The following RGS7 variants were observed in gnomAD, a reference collection of about 807,000 sequenced individuals.
RGS7 encodes regulator of G-protein signaling 7.
RGS7 carries 27 observed loss-of-function variants against 81.1 expected under a neutral mutation model. That is an observed-to-expected ratio of 0.33 (90% CI 0.25 to 0.46). The LOEUF (loss-of-function observed/expected upper bound fraction) is 0.46. Among genes scored for constraint, RGS7 ranks in the 20% least tolerant of loss-of-function variants. RGS7 has a pLI of 1.00. For missense variants in RGS7, 396 were observed against 607.4 expected (o/e 0.65, Z 3.66); for synonymous variants, 208 against 207.7 (o/e 1.00, Z -0.01).
chr1:241,317,762 T>C (rs2148590357), intron 2 of RGS7, among the ~76,000 whole-genome samples: 1 of 152,344 alleles, frequency 6.6e-6, no homozygotes, highest in South Asian at 2.1e-4. Flanking sequence ...ATTATCAAGG[T>C]TTCAGACTTC....
intron 3 of RGS7, among the ~76,000 whole-genome samples, chr1:241,033,574 T>C (rs1293565417): frequency 6.6e-6 from 1 of 152,074 alleles, no homozygotes; most frequent in Non-Finnish European, 1.5e-5. Context: ...TTTTTAAATA[T>C]TTATTTTTTA....
chr1:241,342,830 T>C (rs1316054558), intron 2 of RGS7, among the ~76,000 whole-genome samples: 7 of 152,160 alleles, frequency 4.6e-5, no homozygotes, highest in African/African-American at 1.7e-4. Context: ...TTCACACCCA[T>C]TAGGATGACT....
At chr1:240,793,611 A>ATTTTTTTTTTTTTTTTT (rs1205854418) in intron 18 of RGS7, among the ~76,000 whole-genome samples, 2 of 78,814 alleles carry the variant, frequency 2.5e-5, no homozygotes, top group African/African-American at 1.9e-4. Flanking sequence ...ATATATATAT[A>ATTTTTTTTTTTTTTTTT]TTTTTTTTTT....
At chr1:241,306,100 T>A (rs1045958278) in intron 2 of RGS7, among the ~76,000 whole-genome samples, 1 of 150,138 alleles carries the variant, frequency 6.7e-6, no homozygotes, top group Non-Finnish European at 1.5e-5. Flanking sequence ...AAACCATGAG[T>A]AGCTATATTC....
intron 18 of RGS7, 119 bp downstream of exon 18, chr1:240,800,522 C>A: frequency 2.1e-6 from 1 of 481,334 alleles, no homozygotes; most frequent in Non-Finnish European, 3.7e-6. Flanking sequence ...CACATAACTC[C>A]ACTGAACTGG....
intron 18 of RGS7, among the ~76,000 whole-genome samples, chr1:240,784,249 GA>G (rs1014848049): frequency 2.8e-4 from 42 of 152,114 alleles, no homozygotes; most frequent in African/African-American, 1.0e-3. Flanking sequence ...TAGTATACAG[GA>G]CACTGAAGAG....
At chr1:240,857,109 A>G (rs1206996352) in intron 9 of RGS7, among the ~76,000 whole-genome samples, 1 of 152,188 alleles carries the variant, frequency 6.6e-6, no homozygotes, top group Non-Finnish European at 1.5e-5. Context: ...ATATCACCAC[A>G]TGACGCTGTT....
intron 3 of RGS7, among the ~76,000 whole-genome samples, chr1:240,989,276 A>T (rs908298192): frequency 7.3e-6 from 1 of 137,140 alleles, no homozygotes; most frequent in East Asian, 2.1e-4. Flanking sequence ...TGTCTCTACT[A>T]AAAAAAAAAA....
intron 2 of RGS7, among the ~76,000 whole-genome samples, chr1:241,300,934 G>A (rs368130045): frequency 6.6e-6 from 1 of 152,210 alleles, no homozygotes; most frequent in Non-Finnish European, 1.5e-5. Flanking sequence ...CGTTGTCAGT[G>A]TTTTGGAGTT....
intron 2 of RGS7, among the ~76,000 whole-genome samples, chr1:241,270,273 T>A (rs2077805108): frequency 6.6e-6 from 1 of 152,084 alleles, no homozygotes; most frequent in South Asian, 2.1e-4. Flanking sequence ...CCAGGTGGAG[T>A]GGGGCTCTCG....
At chr1:241,306,757 A>G (rs961591127) in intron 2 of RGS7, among the ~76,000 whole-genome samples, 2 of 152,028 alleles carry the variant, frequency 1.3e-5, no homozygotes, top group African/African-American at 4.8e-5. Context: ...ACTCGCACAC[A>G]TACGCACACA....
At chr1:241,157,624 G>A (rs945093771) in intron 2 of RGS7, among the ~76,000 whole-genome samples, 9 of 151,998 alleles carry the variant, frequency 5.9e-5, no homozygotes, top group Non-Finnish European at 1.2e-4. Flanking sequence ...TATCTGCTAG[G>A]GGTCAGCAAA....
At chr1:241,324,190 A>G (rs935831166) in intron 2 of RGS7, among the ~76,000 whole-genome samples, 31 of 152,212 alleles carry the variant, frequency 2.0e-4, no homozygotes, top group African/African-American at 7.2e-4. Context: ...AGAGAAATAA[A>G]TTAGCTTTAA....
intron 3 of RGS7, among the ~76,000 whole-genome samples, chr1:241,020,370 G>A (rs2059479270): frequency 1.3e-5 from 2 of 152,092 alleles, no homozygotes; most frequent in Admixed American, 1.3e-4. Context: ...CCCTTCAAAA[G>A]CTCTTGGGAA....
At chr1:240,840,062 C>T (rs1456729192) in intron 9 of RGS7, among the ~76,000 whole-genome samples, 1 of 152,172 alleles carries the variant, frequency 6.6e-6, no homozygotes, top group Non-Finnish European at 1.5e-5. Flanking sequence ...GATCTCCCAT[C>T]TGGACTATCA....
chr1:240,820,293 C>T (rs1691537705), intron 10 of RGS7, among the ~76,000 whole-genome samples: 1 of 152,122 alleles, frequency 6.6e-6, no homozygotes, highest in South Asian at 2.1e-4. Context: ...AATGCTTTGG[C>T]TTGATTAACA....
At chr1:241,341,138 C>T (rs558847379) in intron 2 of RGS7, among the ~76,000 whole-genome samples, 6 of 152,296 alleles carry the variant, frequency 3.9e-5, no homozygotes, top group South Asian at 2.1e-4. Flanking sequence ...ATCACGAAAT[C>T]GTAGAAATGG....
intron 2 of RGS7, among the ~76,000 whole-genome samples, chr1:241,290,415 T>C (rs909715671): frequency 7.9e-5 from 12 of 152,236 alleles, no homozygotes; most frequent in Admixed American, 4.6e-4. Context: ...GACTTAGAAA[T>C]TTAGCATGGT....
intron 2 of RGS7, among the ~76,000 whole-genome samples, chr1:241,299,476 T>G (rs2079608561): frequency 6.6e-6 from 1 of 152,050 alleles, no homozygotes; most frequent in Non-Finnish European, 1.5e-5. Flanking sequence ...TCAAAAGACT[T>G]TCTTAGCAAA....
Sources: allele counts gnomAD v4.1 joint callset (sites outside exome capture counted in the v4.1 genomes callset), GRCh38; gene constraint gnomAD v4.1.1; transcripts MANE v1.5; gene names NCBI Gene and HGNC (gene_info 2026-07-23, HGNC 2026-07-21).